The following TYW1 variants were observed in gnomAD, a reference collection of about 807,000 sequenced individuals.
TYW1 encodes the protein S-adenosyl-L-methionine-dependent tRNA 4-demethylwyosine synthase TYW1.
Under a neutral mutation model 96.2 loss-of-function variants are expected in TYW1, and 46 were observed. The observed-to-expected ratio is 0.48, with a 90% confidence interval of 0.38 to 0.61. The LOEUF (loss-of-function observed/expected upper bound fraction) is 0.61, where lower values mean the gene tolerates loss of function less well. TYW1 is among the 20% of genes least tolerant of loss of function. The probability of loss-of-function intolerance (pLI) is 0.00; values close to 1 mark genes in which losing one functional copy is unlikely to be tolerated. For missense variants in TYW1, 684 were observed against 909.6 expected (o/e 0.75, Z 3.19); for synonymous variants, 274 against 323.0 (o/e 0.85, Z 1.63).
At chr7:67,066,194 A>G (rs1795864836) in intron 9 of TYW1, among the ~76,000 whole-genome samples, 1 of 152,128 alleles carries the variant, frequency 6.6e-6, no homozygotes, top group Non-Finnish European at 1.5e-5. Flanking sequence ...GGGGAATGAC[A>G]TTGATTTCAC....
chr7:67,037,498 C>T, intron 7 of TYW1, among the ~76,000 whole-genome samples: 1 of 143,294 alleles, frequency 7.0e-6, no homozygotes, highest in Non-Finnish European at 1.5e-5. Context: ...GAGCGAAACT[C>T]CGTCTCAAAA....
At chr7:67,085,403 C>A (rs1419355808) in intron 11 of TYW1, among the ~76,000 whole-genome samples, 1 of 152,156 alleles carries the variant, frequency 6.6e-6, no homozygotes, top group Non-Finnish European at 1.5e-5. Flanking sequence ...GGGCTCTTCC[C>A]CCTTTGCTCT....
At chr7:67,224,570 C>T (rs1801497043) in intron 15 of TYW1, among the ~76,000 whole-genome samples, 1 of 152,210 alleles carries the variant, frequency 6.6e-6, no homozygotes, top group South Asian at 2.1e-4. Context: ...CCCAAAACAT[C>T]TTTATTTCAC....
chr7:67,088,393 A>C (rs956027092), intron 11 of TYW1, among the ~76,000 whole-genome samples: 1 of 152,240 alleles, frequency 6.6e-6, no homozygotes, highest in Non-Finnish European at 1.5e-5. Context: ...TAAAGTGCAT[A>C]ATTTGTAAGA....
chr7:67,053,684 T>C (rs1795432405), intron 8 of TYW1, among the ~76,000 whole-genome samples: 1 of 152,112 alleles, frequency 6.6e-6, no homozygotes, highest in South Asian at 2.1e-4. Context: ...CCCATCCCAT[T>C]TGGGATAGTT....
At chr7:67,200,582 G>A (rs9886326) in intron 15 of TYW1, among the ~76,000 whole-genome samples, 1 of 151,988 alleles carries the variant, frequency 6.6e-6, no homozygotes, top group Non-Finnish European at 1.5e-5. Context: ...CCCACAATAC[G>A]TGGGAATTAC....
intron 2 of TYW1, 119 bp downstream of exon 2, chr7:66,998,314 A>T: frequency 7.7e-7 from 1 of 1,302,142 alleles, no homozygotes; most frequent in Non-Finnish European, 1.0e-6. Flanking sequence ...TTTTAATGAA[A>T]TGCCTAAAAT....
chr7:67,029,902 T>C (rs1331805408), intron 7 of TYW1, among the ~76,000 whole-genome samples: 2 of 152,098 alleles, frequency 1.3e-5, no homozygotes, highest in Non-Finnish European at 2.9e-5. Context: ...GGTCTCACCA[T>C]GTTGCCCAGG....
chr7:67,168,869 G>A (rs1333413270), intron 13 of TYW1, among the ~76,000 whole-genome samples: 1 of 151,936 alleles, frequency 6.6e-6, no homozygotes, highest in African/African-American at 2.4e-5. Flanking sequence ...GCAACACCAT[G>A]CCTGGCTAAT....
Position 67,159,885 on chromosome 7 carries a change from C to G in TYW1, c.1699-23241C>G, listed in dbSNP as rs896146187. 9.2e-5 allele frequency among the ~76,000 whole-genome samples: 14 copies of G among 152,086 alleles called. 1 individual carries two copies. The South Asian group carries it at 1.9e-3, about 20-fold the overall frequency. On this transcript the variant is annotated intron_variant, in intron 13 of 15. Coordinates refer to ENST00000359626, the MANE Select transcript of TYW1 (RefSeq NM_018264.4). ...GCACAATCTCGGCTCACTGCAAGCT[C>G]TGCCTCCCGGGTTCACGCCATTCTC... is the stretch of plus-strand genomic sequence containing the variant.
At chr7:67,089,189 C>T in intron 11 of TYW1, 1 of 731,306 alleles carries the variant, frequency 1.4e-6, no homozygotes, top group Middle Eastern at 4.3e-4. Flanking sequence ...TCCCTCGCCA[C>T]CCCTTTCCCC....
chr7:67,123,894 G>A (rs1212179199), intron 13 of TYW1, among the ~76,000 whole-genome samples: 2 of 152,192 alleles, frequency 1.3e-5, no homozygotes, highest in African/African-American at 4.8e-5. Context: ...GAAGTATGGT[G>A]CAGTGTTTTG....
intron 13 of TYW1, among the ~76,000 whole-genome samples, chr7:67,118,745 C>G (rs187138881): frequency 6.6e-6 from 1 of 151,522 alleles, no homozygotes; most frequent in Non-Finnish European, 1.5e-5. Flanking sequence ...AAACAAAATA[C>G]AAAAATTACC....
intron 13 of TYW1, among the ~76,000 whole-genome samples, chr7:67,174,459 T>C (rs1799603665): frequency 6.6e-6 from 1 of 150,610 alleles, no homozygotes. Context: ...TAGAAGTCTG[T>C]TCCCAATGAA....
intron 15 of TYW1, among the ~76,000 whole-genome samples, chr7:67,212,672 T>TTTTTTTTG (rs1801073769): frequency 3.2e-5 from 1 of 31,646 alleles, no homozygotes; most frequent in Non-Finnish European, 6.7e-5. Flanking sequence ...GGTTTTTTTG[T>TTTTTTTTG]TTTTTTTTGT....
At chr7:67,023,350 G>A (rs1465842098) in intron 6 of TYW1, among the ~76,000 whole-genome samples, 4 of 152,020 alleles carry the variant, frequency 2.6e-5, no homozygotes, top group Non-Finnish European at 1.5e-5. Flanking sequence ...ATCTTCCTTG[G>A]CCTCCCAAAG....
chr7:67,087,590 G>T (rs1371083236), intron 11 of TYW1, among the ~76,000 whole-genome samples: 1 of 145,762 alleles, frequency 6.9e-6, no homozygotes, highest in Admixed American at 6.7e-5. Flanking sequence ...TTCCTACAAC[G>T]GATTTTTTTT....
intron 15 of TYW1, among the ~76,000 whole-genome samples, chr7:67,222,177 A>G (rs1433610643): frequency 6.6e-6 from 1 of 152,204 alleles, no homozygotes; most frequent in East Asian, 1.9e-4. Flanking sequence ...AGTCTGGGCA[A>G]CAGAGCGAGA....
chr7:67,073,823 C>A (rs1796119362), intron 10 of TYW1, among the ~76,000 whole-genome samples: 1 of 149,280 alleles, frequency 6.7e-6, no homozygotes. Context: ...TTGCTCACGC[C>A]CATAATCCCA....
Sources: allele counts gnomAD v4.1 joint callset (sites outside exome capture counted in the v4.1 genomes callset), GRCh38; gene constraint gnomAD v4.1.1; transcripts MANE v1.5; gene names NCBI Gene and HGNC (gene_info 2026-07-23, HGNC 2026-07-21).